Variants in DNM3 observed in about 807,000 individuals in gnomAD.
DNM3 encodes the protein dynamin 3, also known as dynamin-3.
In DNM3, 47 loss-of-function variants were observed where a neutral mutation model predicts 101.6. The ratio of observed to expected loss-of-function variants is 0.46; its 90% CI spans 0.37 to 0.59. The LOEUF (loss-of-function observed/expected upper bound fraction) is 0.59, where lower values mean the gene tolerates loss of function less well. Ranked by LOEUF, DNM3 falls within the 20% of genes least tolerant of loss-of-function variation. The probability of loss-of-function intolerance (pLI) is 0.00; values close to 1 mark genes in which losing one functional copy is unlikely to be tolerated. For missense variants in DNM3, 849 were observed against 1,085.7 expected (o/e 0.78, Z 3.06); for synonymous variants, 385 against 387.9 (o/e 0.99, Z 0.09).
At chr1:172,114,057 A>C (rs947898330) in intron 13 of DNM3, among the ~76,000 whole-genome samples, 2 of 152,232 alleles carry the variant, frequency 1.3e-5, no homozygotes, top group Non-Finnish European at 2.9e-5. Flanking sequence ...AAAAGATAGA[A>C]AATGAACAAC....
At chr1:172,323,517 G>A (rs1411040959) in intron 17 of DNM3, among the ~76,000 whole-genome samples, 177 bp downstream of exon 17, 2 of 152,120 alleles carry the variant, frequency 1.3e-5, no homozygotes, top group Non-Finnish European at 2.9e-5. Context: ...CATAATGGCT[G>A]TTCCGTTTTG....
chr1:172,042,251 T>C, intron 8 of DNM3, 107 bp downstream of exon 8: 1 of 1,075,972 alleles, frequency 9.3e-7, no homozygotes, highest in East Asian at 3.0e-5. Context: ...ACATAGTTCT[T>C]TGAACAAAAC....
At chr1:171,980,659 A>G (rs2044721072) in intron 2 of DNM3, among the ~76,000 whole-genome samples, 1 of 151,908 alleles carries the variant, frequency 6.6e-6, no homozygotes, top group Non-Finnish European at 1.5e-5. Context: ...CTCTAATTCT[A>G]TGAGATCAAC....
At position 171,980,917 on chromosome 1, in the gene DNM3, C is replaced by G. The variant is rs113642228; in HGVS notation, c.236-6739C>G. ...TCCTGAGTAGCTGGGATAACAGGCA[C>G]CTGCTATCACACCTGGCTAATTTTT... On this transcript the variant is annotated intron_variant, in intron 2 of 20. Coordinates refer to ENST00000627582, the MANE Select transcript of DNM3 (RefSeq NM_015569.5). 8.9e-3 allele frequency among the ~76,000 whole-genome samples: 1,349 copies of G among 151,942 alleles called. 27 individuals carry two copies. The highest frequency in any genetic ancestry group is 0.031 in the African/African-American group (1,278 of 41,416).
At chr1:171,876,492 C>T (rs2035796091) in intron 1 of DNM3, among the ~76,000 whole-genome samples, 1 of 152,110 alleles carries the variant, frequency 6.6e-6, no homozygotes. Context: ...CACATCTCAT[C>T]TCTTCTCTTC....
intron 1 of DNM3, among the ~76,000 whole-genome samples, chr1:171,870,740 G>A (rs1209428365): frequency 1.3e-5 from 2 of 152,134 alleles, no homozygotes; most frequent in African/African-American, 2.4e-5. Flanking sequence ...CATAAGGCTA[G>A]AAAAATAAAA....
chr1:171,910,546 G>C (rs2039211972), intron 1 of DNM3, among the ~76,000 whole-genome samples: 2 of 152,166 alleles, frequency 1.3e-5, no homozygotes, highest in African/African-American at 4.8e-5. Flanking sequence ...TGACAAATTG[G>C]ATGTAGCCCT....
intron 14 of DNM3, among the ~76,000 whole-genome samples, chr1:172,189,666 C>T (rs958202628): frequency 6.6e-6 from 1 of 151,874 alleles, no homozygotes. Flanking sequence ...TAAAGAAATA[C>T]CTGAGGCTGG....
rs16843755 is a variant in DNM3, at chr1:172,052,131, C to T, written c.1335+3381C>T. On this transcript the variant is annotated intron_variant, in intron 10 of 20. Transcript: ENST00000627582. Reference sequence around the variant, plus strand: ...TCATCCTCACTTTCAATGAAGGTTTCGCAGAAAAAATAGGGGCCATAAATG... The same window carrying T: ...TCATCCTCACTTTCAATGAAGGTTTTGCAGAAAAAATAGGGGCCATAAATG... 4.5e-3 allele frequency among the ~76,000 whole-genome samples: 678 copies of T among 152,210 alleles called. 8 individuals carry two copies. The highest frequency in any genetic ancestry group is 0.016 in the African/African-American group (646 of 41,526).
chr1:172,398,309 A>AT (rs1229875349), intron 20 of DNM3, among the ~76,000 whole-genome samples: 2 of 152,216 alleles, frequency 1.3e-5, no homozygotes, highest in Non-Finnish European at 2.9e-5. Flanking sequence ...AGTTACTTAT[A>AT]TCAAACACTT....
At chr1:171,897,623 A>G (rs556086512) in intron 1 of DNM3, among the ~76,000 whole-genome samples, 10 of 152,334 alleles carry the variant, frequency 6.6e-5, no homozygotes, top group African/African-American at 2.4e-4. Context: ...GCCATAGTGA[A>G]TGCTTAATGA....
chr1:171,854,839 T>G (rs1415211103), intron 1 of DNM3, among the ~76,000 whole-genome samples: 1 of 152,018 alleles, frequency 6.6e-6, no homozygotes, highest in Non-Finnish European at 1.5e-5. Flanking sequence ...AGTGCTGGGA[T>G]TACAGGTGTG....
chr1:171,929,805 C>G (rs1017596259), intron 2 of DNM3, among the ~76,000 whole-genome samples: 1 of 152,136 alleles, frequency 6.6e-6, no homozygotes, highest in Admixed American at 6.5e-5. Context: ...GGAGGAGAAA[C>G]AGCATTGGGG....
chr1:172,241,665 T>C (rs2061752889), intron 14 of DNM3, among the ~76,000 whole-genome samples: 1 of 152,080 alleles, frequency 6.6e-6, no homozygotes, highest in Non-Finnish European at 1.5e-5. Context: ...CAAGGAGCTG[T>C]TGTCTCCACC....
downstream of DNM3, among the ~76,000 whole-genome samples, chr1:172,416,792 A>G (rs185978422): frequency 2.7e-3 from 413 of 152,266 alleles, 1 homozygote; most frequent in African/African-American, 9.3e-3. Context: ...TCTTCATGAA[A>G]ACACCAGGGA....
chr1:172,245,229 A>G (rs10911372), intron 14 of DNM3, among the ~76,000 whole-genome samples: 1,918 of 152,340 alleles, frequency 0.013, 40 homozygotes, highest in African/African-American at 0.043. Context: ...GACACATAGA[A>G]TGATTAACAA....
At chr1:171,967,717 G>T (rs1232062690) in intron 2 of DNM3, among the ~76,000 whole-genome samples, 1 of 152,156 alleles carries the variant, frequency 6.6e-6, no homozygotes, top group Non-Finnish European at 1.5e-5. Context: ...GCAATTCCAA[G>T]AAATTAACTG....
At chr1:172,020,510 G>A (rs2047760332) in intron 4 of DNM3, among the ~76,000 whole-genome samples, 1 of 151,850 alleles carries the variant, frequency 6.6e-6, no homozygotes, top group African/African-American at 2.4e-5. Context: ...CACTAGGTCA[G>A]GAGATGGAGA....
At chr1:171,970,857 A>G (rs1295908360) in intron 2 of DNM3, among the ~76,000 whole-genome samples, 1 of 152,044 alleles carries the variant, frequency 6.6e-6, no homozygotes, top group East Asian at 1.9e-4. Context: ...TCAAGTAGCT[A>G]TTATCAGAAT....
Sources: allele counts gnomAD v4.1 joint callset (sites outside exome capture counted in the v4.1 genomes callset), GRCh38; gene constraint gnomAD v4.1.1; transcripts MANE v1.5; gene names NCBI Gene and HGNC (gene_info 2026-07-23, HGNC 2026-07-21).